Variants in CRPPA observed in about 807,000 individuals in gnomAD.
CRPPA encodes the protein CDP-L-ribitol pyrophosphorylase A.
Under a neutral mutation model 52.0 loss-of-function variants are expected in CRPPA, and 43 were observed. The ratio of observed to expected loss-of-function variants is 0.83; its 90% CI spans 0.65 to 1.07. The LOEUF is 1.07. Among genes scored for constraint, CRPPA ranks in the 50% least tolerant of loss-of-function variants. CRPPA has a pLI of 0.00. For missense variants in CRPPA, 629 were observed against 551.7 expected (o/e 1.14, Z -1.40); for synonymous variants, 250 against 203.5 (o/e 1.23, Z -1.94).
intron 9 of CRPPA, among the ~76,000 whole-genome samples, chr7:16,195,124 A>G (rs1781702546): frequency 6.6e-6 from 1 of 152,098 alleles, no homozygotes; most frequent in South Asian, 2.1e-4. Flanking sequence ...AAAGTAAACC[A>G]CACAATGATG....
intron 9 of CRPPA, among the ~76,000 whole-genome samples, chr7:16,166,214 A>G (rs537073673): frequency 6.6e-6 from 1 of 152,214 alleles, no homozygotes; most frequent in South Asian, 2.1e-4. Flanking sequence ...ATTTATTTAA[A>G]TGGTTCTTTG....
chr7:16,390,850 G>T (rs1328029891), intron 2 of CRPPA, among the ~76,000 whole-genome samples: 4 of 152,100 alleles, frequency 2.6e-5, no homozygotes, highest in African/African-American at 9.7e-5. Flanking sequence ...AAGGTTACAG[G>T]TCCTCCTGCA....
At chr7:16,286,038 AATATAAATATATAT>A (rs1190392646) in intron 5 of CRPPA, among the ~76,000 whole-genome samples, 222 of 17,492 alleles carry the variant, frequency 0.013, 19 homozygotes, top group African/African-American at 0.055. Context: ...AAAAAAAAAA[AATATAAATATATAT>A]ATATATATAT....
At chr7:16,094,634 A>C (rs1781900642) in intron 9 of CRPPA, among the ~76,000 whole-genome samples, 1 of 152,026 alleles carries the variant, frequency 6.6e-6, no homozygotes, top group South Asian at 2.1e-4. Context: ...ATATTATATA[A>C]TAAACATTTA....
At chr7:16,292,011 T>A (rs1049875096) in intron 5 of CRPPA, among the ~76,000 whole-genome samples, 2 of 151,912 alleles carry the variant, frequency 1.3e-5, no homozygotes, top group Admixed American at 6.6e-5. Context: ...ACGGTGGAAA[T>A]GTACTTGTTA....
intron 2 of CRPPA, among the ~76,000 whole-genome samples, chr7:16,386,977 G>A (rs1374094037): frequency 6.7e-6 from 1 of 150,082 alleles, no homozygotes. Context: ...CTGAGATTGT[G>A]CCATTACACT....
At chr7:16,327,599 CAAAAAAAAA>C (rs71007762) in intron 3 of CRPPA, among the ~76,000 whole-genome samples, 21 of 70,090 alleles carry the variant, frequency 3.0e-4, no homozygotes, top group African/African-American at 8.3e-4. Flanking sequence ...GACTCCGTCT[CAAAAAAAAA>C]AAAAAAAAAA....
intron 9 of CRPPA, among the ~76,000 whole-genome samples, chr7:16,192,251 G>A (rs1286610327): frequency 6.6e-6 from 1 of 152,018 alleles, no homozygotes; most frequent in Non-Finnish European, 1.5e-5. Flanking sequence ...GGACGTGATA[G>A]TTCACCCCTT....
intron 3 of CRPPA, among the ~76,000 whole-genome samples, chr7:16,331,889 A>G (rs1329088021): frequency 6.6e-6 from 1 of 152,220 alleles, no homozygotes; most frequent in Admixed American, 6.5e-5. Flanking sequence ...GGGAATATCT[A>G]TAAAAGAAAA....
chr7:16,397,482 T>A (rs545004978), intron 2 of CRPPA, among the ~76,000 whole-genome samples: 221 of 152,214 alleles, frequency 1.5e-3, no homozygotes, highest in African/African-American at 4.7e-3. Flanking sequence ...ATAGTTGACA[T>A]AACAGAAACA....
At chr7:16,175,497 C>T (rs1451265595) in intron 9 of CRPPA, among the ~76,000 whole-genome samples, 1 of 152,034 alleles carries the variant, frequency 6.6e-6, no homozygotes, top group Non-Finnish European at 1.5e-5. Context: ...GTTAAAAATG[C>T]CAGATGCACA....
At chr7:16,349,780 G>C (rs1044276960) in intron 3 of CRPPA, among the ~76,000 whole-genome samples, 1 of 151,968 alleles carries the variant, frequency 6.6e-6, no homozygotes, top group African/African-American at 2.4e-5. Context: ...ACCATCAAGT[G>C]GAAGAACGTA....
chr7:16,400,045 A>G (rs1213780172), intron 2 of CRPPA, among the ~76,000 whole-genome samples: 1 of 152,156 alleles, frequency 6.6e-6, no homozygotes, highest in Non-Finnish European at 1.5e-5. Context: ...TGACGAATAC[A>G]CAACACGTGA....
Position 16,208,022 on chromosome 7 carries a change from T to C in CRPPA, c.1251+8044A>G, listed in dbSNP as rs187261617. The stretch of plus-strand genomic sequence containing the variant: ...TCTACAACCTCTGAGACACAGCACC[T>C]TTTGTATTACATGCTTTTACTGTAT... On this transcript the variant is annotated intron_variant, in intron 9 of 9. Coordinates refer to ENST00000407010, the MANE Select transcript of CRPPA (RefSeq NM_001101426.4). 2.5e-3 allele frequency among the ~76,000 whole-genome samples: 385 copies of C among 152,284 alleles called. 3 individuals carry two copies. Among genetic ancestry groups the C allele is most frequent in the Non-Finnish European group, 4.2e-3 (289 of 68,020 alleles).
At chr7:16,387,445 T>C (rs1299492680) in intron 2 of CRPPA, among the ~76,000 whole-genome samples, 3 of 151,842 alleles carry the variant, frequency 2.0e-5, no homozygotes, top group African/African-American at 7.3e-5. Context: ...AGTATTACAA[T>C]AAAAATTTTC....
chr7:16,116,511 A>G (rs1196119585), intron 9 of CRPPA, among the ~76,000 whole-genome samples: 1 of 152,084 alleles, frequency 6.6e-6, no homozygotes, highest in Non-Finnish European at 1.5e-5. Context: ...CTAAAAATAC[A>G]AACATTAGCC....
intron 5 of CRPPA, among the ~76,000 whole-genome samples, chr7:16,300,597 AG>A (rs1290923089): frequency 1.3e-5 from 2 of 152,176 alleles, no homozygotes; most frequent in African/African-American, 4.8e-5. Flanking sequence ...TGTCAAAACC[AG>A]GGGAAGGGGA....
At chr7:16,351,540 C>A (rs992139333) in intron 3 of CRPPA, among the ~76,000 whole-genome samples, 1 of 151,870 alleles carries the variant, frequency 6.6e-6, no homozygotes, top group Non-Finnish European at 1.5e-5. Context: ...CCAGAATATA[C>A]AAGGAACTTA....
At chr7:16,115,514 T>A (rs994465799) in intron 9 of CRPPA, among the ~76,000 whole-genome samples, 1 of 152,174 alleles carries the variant, frequency 6.6e-6, no homozygotes, top group Non-Finnish European at 1.5e-5. Context: ...TATTTCCTAG[T>A]CCTGTTCACT....
Sources: allele counts gnomAD v4.1 joint callset (sites outside exome capture counted in the v4.1 genomes callset), GRCh38; gene constraint gnomAD v4.1.1; transcripts MANE v1.5; gene names NCBI Gene and HGNC (gene_info 2026-07-23, HGNC 2026-07-21).